Variants in WDR64 observed in about 807,000 individuals in gnomAD.
WDR64 encodes WD repeat domain 64, also known as WD repeat-containing protein 64.
In WDR64, 112 loss-of-function variants were observed where a neutral mutation model predicts 139.3. That is an observed-to-expected ratio of 0.80 (90% CI 0.69 to 0.94). WDR64 has a LOEUF of 0.94. Ranked by LOEUF, WDR64 falls within the 40% of genes least tolerant of loss-of-function variation. The probability of loss-of-function intolerance (pLI) is 0.00; values close to 1 mark genes in which losing one functional copy is unlikely to be tolerated. For synonymous variants in WDR64, 444 were observed against 437.7 expected (o/e 1.01, Z -0.18); for missense variants, 1,206 against 1,293.1 (o/e 0.93, Z 1.03).
rs185043786 is a variant in WDR64, at chr1:241,787,886, T to C, written c.2743T>C (p.Phe915Leu). The C allele has an allele frequency of 6.2e-7, 1 of 1,608,816 alleles. No homozygotes were observed. The highest frequency in any genetic ancestry group is 2.2e-5 in the East Asian group (1 of 44,654). The change falls in exon 24 of 28, where the codon TTT becomes CTT. Residue 915 changes from phenylalanine to leucine, a missense_variant. Phe to Leu is a conservative substitution (Grantham distance 22). Coordinates refer to ENST00000437684, the MANE Select transcript of WDR64 (RefSeq NM_001367482.1). The part of the protein sequence containing the change: ...HALNGHYCGY[F>L]GQRRLFELSQ... ...CCTCAATGGACATTATTGTGGATATTTTGGACAGCGAAGGCTCTTTGAATT... is the reference window on the plus strand; with the variant it reads ...CCTCAATGGACATTATTGTGGATATCTTGGACAGCGAAGGCTCTTTGAATT...
chr1:241,779,189 CCA>C (rs1658761824), intron 21 of WDR64, among the ~76,000 whole-genome samples: 1 of 152,088 alleles, frequency 6.6e-6, no homozygotes, highest in African/African-American at 2.4e-5. Context: ...ATATTTCACT[CCA>C]CTCTTCTTGC....
At chr1:241,773,046 T>G (rs1658521316) in intron 20 of WDR64, 115 bp downstream of exon 20, 4 of 1,265,342 alleles carry the variant, frequency 3.2e-6, no homozygotes, top group Non-Finnish European at 4.2e-6. Flanking sequence ...TTTTCAACTT[T>G]CTAGCCAAAT....
chr1:241,652,419 A>C lies in WDR64; in HGVS notation c.-66A>C. ...CAGGGAGGCACTGTAACAACTGGAA[A>C]GTTTTCCAAATTGGTAAACTTGCAG... On this transcript the variant is annotated 5_prime_UTR_variant, in exon 1 of 28. Coordinates refer to ENST00000437684, the MANE Select transcript of WDR64 (RefSeq NM_001367482.1). The C allele has an allele frequency of 6.7e-7, 1 of 1,501,390 alleles. No homozygotes were observed. The highest frequency in any genetic ancestry group is 8.9e-7 in the Non-Finnish European group (1 of 1,120,748). 93.0% of individuals were successfully genotyped at this position (1,501,390 alleles called of 1,614,324 possible). A position where few individuals can be genotyped will look rare whatever the true frequency, so the allele number is the denominator to read the frequency against.
At position 241,771,584 on chromosome 1, in the gene WDR64, G is replaced by A. The variant is rs868588765; in HGVS notation, c.2254-77G>A. On this transcript the variant is annotated intron_variant, in intron 18 of 27. Transcript: ENST00000437684. Reference sequence around the variant, plus strand: ...TTAGAAATGAAAATTCAACTATCTGGAGAATTTAATCACCCAGTATATCTC... The same window carrying A: ...TTAGAAATGAAAATTCAACTATCTGAAGAATTTAATCACCCAGTATATCTC... The A allele has an allele frequency of 1.8e-5, 20 of 1,093,062 alleles. 1 individual carries two copies. Among genetic ancestry groups the A allele is most frequent in the Middle Eastern group, 4.3e-4 (2 of 4,614 alleles). The allele number at this position is 1,093,062 out of a possible 1,614,324, so 67.7% of individuals were successfully genotyped here.
chr1:241,660,242 T>C (rs1665770345), intron 1 of WDR64, among the ~76,000 whole-genome samples: 1 of 152,182 alleles, frequency 6.6e-6, no homozygotes, highest in Non-Finnish European at 1.5e-5. Flanking sequence ...GTCTTATTTT[T>C]GGGTTCTCTA....
chr1:241,744,624 C>A, intron 13 of WDR64, 108 bp downstream of exon 13: 3 of 1,451,538 alleles, frequency 2.1e-6, no homozygotes, highest in Non-Finnish European at 1.9e-6. Flanking sequence ...GCAGGCTGGA[C>A]TATGTCTGGG....
At chr1:241,723,174 C>A in intron 9 of WDR64, 123 bp from the exon 10 acceptor site, 2 of 1,275,664 alleles carry the variant, frequency 1.6e-6, no homozygotes, top group Non-Finnish European at 2.1e-6. Context: ...AATAATGCAT[C>A]CTGCCAGAAA....
intron 23 of WDR64, 150 bp downstream of exon 23, chr1:241,783,531 A>G: frequency 3.3e-6 from 2 of 607,736 alleles, no homozygotes; most frequent in Non-Finnish European, 5.5e-6. Flanking sequence ...AAGGACTTTG[A>G]AAAGATGGCC....
intron 2 of WDR64, among the ~76,000 whole-genome samples, chr1:241,670,543 C>T (rs1022484058): frequency 3.3e-5 from 5 of 152,212 alleles, no homozygotes; most frequent in Admixed American, 2.6e-4. Flanking sequence ...AATCAGTAAC[C>T]GCTCAAAAAT....
intron 8 of WDR64, among the ~76,000 whole-genome samples, chr1:241,705,838 C>T (rs987232032): frequency 1.1e-4 from 16 of 152,032 alleles, no homozygotes; most frequent in African/African-American, 3.9e-4. Context: ...ATCCTCCCAC[C>T]TTGGCCTCCC....
At chr1:241,670,156 A>G (rs1009474274) in intron 2 of WDR64, among the ~76,000 whole-genome samples, 1 of 152,182 alleles carries the variant, frequency 6.6e-6, no homozygotes, top group African/African-American at 2.4e-5. Context: ...AAGAACAGCT[A>G]TCTTATTTTC....
Position 241,674,653 on chromosome 1 carries a change from G to T in WDR64, c.389G>T (p.Arg130Ile). ...ATTATGCTGTTGACAGGTAGTAGAA[G>T]ACGAGATGTGATTAAGAGCATTGTC... Reference protein sequence around the residue: ...KRRILISGSRRRDVIKSIVKI... With the variant: ...KRRILISGSRIRDVIKSIVKI... Residue 130 changes from arginine (R) to isoleucine (I), a missense_variant, in exon 4 of 28, where the codon AGA becomes ATA. Physicochemically the swap from Arg to Ile is moderately conservative, Grantham distance 97. Transcript: ENST00000437684. 1 of 1,546,486 alleles carries T rather than the reference G, an allele frequency of 6.5e-7. No homozygotes were observed. Among genetic ancestry groups the T allele is most frequent in the Non-Finnish European group, 8.7e-7 (1 of 1,143,108 alleles).
At chr1:241,734,473 G>A (rs999120885) in intron 10 of WDR64, among the ~76,000 whole-genome samples, 5 of 152,010 alleles carry the variant, frequency 3.3e-5, no homozygotes, top group Non-Finnish European at 5.9e-5. Context: ...GAACACCTAA[G>A]AATAAAGTAA....
rs1553359804 is a variant in WDR64, at chr1:241,656,908, G to GTC, written c.146-3621_146-3620insCT. On this transcript the variant is annotated intron_variant, in intron 1 of 27. Transcript: ENST00000437684. This position sits in a 1 kb window ranked among gnomAD's most constrained non-coding sequence, Gnocchi z 4.3. ...TGTGTGTGTGTGTGTGTGTGTGTGT[G>GTC]TGTCTGTCTGGGGATGGAGGTGAGG... Among the ~76,000 whole-genome samples, 3 of 147,868 alleles carry GTC rather than the reference G, an allele frequency of 2.0e-5. No individual in the cohort carries two copies. Among genetic ancestry groups the GTC allele is most frequent in the South Asian group, 2.1e-4 (1 of 4,754 alleles).
intron 12 of WDR64, among the ~76,000 whole-genome samples, 176 bp downstream of exon 12, chr1:241,741,840 C>T (rs1028427142): frequency 1.3e-5 from 2 of 152,132 alleles, no homozygotes; most frequent in African/African-American, 4.8e-5. Flanking sequence ...TTAATTAAGC[C>T]AGTTCAGACT....
At chr1:241,655,345 C>T (rs1227437640) in intron 1 of WDR64, among the ~76,000 whole-genome samples, 1 of 152,142 alleles carries the variant, frequency 6.6e-6, no homozygotes, top group Non-Finnish European at 1.5e-5. Context: ...GCCAAGATCG[C>T]ACCACTGCAC....
chr1:241,763,411 G>C (rs1424236248), intron 15 of WDR64, among the ~76,000 whole-genome samples: 1 of 152,116 alleles, frequency 6.6e-6, no homozygotes, highest in Non-Finnish European at 1.5e-5. Context: ...ATTATAGATT[G>C]AAAGTTTGCA....
chr1:241,665,513 T>C (rs1665994233), intron 2 of WDR64, among the ~76,000 whole-genome samples: 1 of 152,244 alleles, frequency 6.6e-6, no homozygotes, highest in South Asian at 2.1e-4. Context: ...AATCTCTTTG[T>C]GGTAGCAATG....
intron 10 of WDR64, among the ~76,000 whole-genome samples, chr1:241,726,595 A>C (rs1335834806): frequency 6.6e-6 from 1 of 152,188 alleles, no homozygotes; most frequent in Non-Finnish European, 1.5e-5. Context: ...TTGATTAAGT[A>C]AATTATGCTG....
Sources: allele counts gnomAD v4.1 joint callset (sites outside exome capture counted in the v4.1 genomes callset), GRCh38; gene constraint gnomAD v4.1.1; non-coding constraint Gnocchi (gnomAD v3.1); transcripts MANE v1.5; gene names NCBI Gene and HGNC (gene_info 2026-07-23, HGNC 2026-07-21).